The following PRDM9 variants were observed in gnomAD, a reference collection of about 807,000 sequenced individuals.
PRDM9 encodes histone-lysine N-methyltransferase PRDM9.
Under a neutral mutation model 55.6 loss-of-function variants are expected in PRDM9, and 47 were observed. The ratio of observed to expected loss-of-function variants is 0.85; its 90% CI spans 0.67 to 1.08. The LOEUF (loss-of-function observed/expected upper bound fraction) is 1.08, where lower values mean the gene tolerates loss of function less well. PRDM9 is among the 50% of genes least tolerant of loss of function. The pLI, the probability that PRDM9 is intolerant of heterozygous loss-of-function variation, is 0.00. For missense variants in PRDM9, 867 were observed against 1,040.3 expected (o/e 0.83, Z 2.29); for synonymous variants, 312 against 375.7 (o/e 0.83, Z 1.96).
intron 10 of PRDM9, among the ~76,000 whole-genome samples, chr5:23,525,362 G>A (rs773402233): frequency 2.0e-5 from 3 of 152,234 alleles, no homozygotes; most frequent in Admixed American, 6.5e-5. Flanking sequence ...TGGGGAGCAC[G>A]GAGGTAAGTC....
rs373299038 is a variant in PRDM9 at position 23,522,713 on chromosome 5, G to T, written c.710G>T (p.Arg237Leu). 2.4e-5 allele frequency: 38 copies of T among 1,614,072 alleles called. No individual in the cohort carries two copies. Among genetic ancestry groups the T allele is most frequent in the Non-Finnish European group, 3.0e-5 (35 of 1,180,044 alleles). ...GCAGTGGACAAGGGGCACCCCAACC[G>T]TTCAGCCCTCAGTCTGCCCCCAGGG... Reference protein sequence around the residue: ...DSAVDKGHPNRSALSLPPGLR... With the variant: ...DSAVDKGHPNLSALSLPPGLR... Residue 237 changes from arginine to leucine, a missense_variant, in exon 8 of 11, where the codon CGT (arginine) becomes CTT (leucine). Transcript: ENST00000296682.
At chr5:23,520,736 C>G (rs1003511822) in intron 5 of PRDM9, among the ~76,000 whole-genome samples, 1 of 152,114 alleles carries the variant, frequency 6.6e-6, no homozygotes, top group African/African-American at 2.4e-5. Context: ...CCTTCTTTCA[C>G]AGATCTTGTT....
At chr5:23,519,161 G>A (rs1206366877) in intron 5 of PRDM9, among the ~76,000 whole-genome samples, 1 of 152,076 alleles carries the variant, frequency 6.6e-6, no homozygotes, top group Non-Finnish European at 1.5e-5. Flanking sequence ...CTAGATTAGT[G>A]CGATCCTCCT....
In PRDM9 at chr5:23,510,000, G is replaced by A. The variant is rs199795687; in HGVS notation, c.274G>A (p.Asp92Asn). ...CCAGGTGGATGACACAGAAGATTCTGATGAAGAATGGACCCCTAGGCAGCA... is the reference window on the plus strand; with the variant it reads ...CCAGGTGGATGACACAGAAGATTCTAATGAAGAATGGACCCCTAGGCAGCA... ...KLQVDDTEDS[D>N]EEWTPRQQVK... Residue 92 changes from aspartate to asparagine, a missense_variant, in exon 4 of 11, where the codon GAT becomes AAT. Asp to Asn is a conservative substitution (Grantham distance 23). This residue lies in a region of PRDM9 where 662 missense variants were observed against 711.9 expected (regional missense o/e 0.93). Coordinates refer to ENST00000296682, the MANE Select transcript of PRDM9 (RefSeq NM_020227.4). 249 of 1,611,184 alleles carry A rather than the reference G, an allele frequency of 1.5e-4. No homozygotes were observed. Among genetic ancestry groups the A allele is most frequent in the Middle Eastern group, 3.3e-4 (2 of 6,042 alleles).
chr5:23,520,935 TAG>T, intron 5 of PRDM9, 86 bp from the exon 6 acceptor site: 1 of 1,453,558 alleles, frequency 6.9e-7, no homozygotes, highest in Non-Finnish European at 9.6e-7. Context: ...GAACATTAAC[TAG>T]AGTCATGCAT....
intron 5 of PRDM9, among the ~76,000 whole-genome samples, chr5:23,519,476 C>T (rs548702993): frequency 6.6e-6 from 1 of 152,190 alleles, no homozygotes; most frequent in South Asian, 2.1e-4. Context: ...TCAAGTTGTT[C>T]TCCTGCCTCA....
At chr5:23,517,540 C>T (rs937764436) in intron 4 of PRDM9, among the ~76,000 whole-genome samples, 3 of 152,264 alleles carry the variant, frequency 2.0e-5, no homozygotes, top group African/African-American at 7.2e-5. Flanking sequence ...AATCTCAGCA[C>T]TTTGGGAGGC....
At chr5:23,511,753 AT>A (rs1220663082) in intron 4 of PRDM9, among the ~76,000 whole-genome samples, 32 of 152,184 alleles carry the variant, frequency 2.1e-4, no homozygotes, top group African/African-American at 7.7e-4. Flanking sequence ...AATTCAGAAC[AT>A]TTATCATCAC....
chr5:23,527,854 G>T lies in PRDM9; in HGVS notation c.*81G>T, dbSNP rs986260674. ...ACACACTTGCACACCCCAGCTGTGA[G>T]GTGGCTTCAGCGGAAGTCTGCTGAC... On this transcript the variant is annotated 3_prime_UTR_variant, in exon 11 of 11. Coordinates refer to ENST00000296682, the MANE Select transcript of PRDM9 (RefSeq NM_020227.4). 2.5e-6 allele frequency: 4 copies of T among 1,570,942 alleles called. No homozygotes were observed. Among genetic ancestry groups the T allele is most frequent in the Non-Finnish European group, 3.5e-6 (4 of 1,147,268 alleles).
rs774868537 is a variant in PRDM9, at chr5:23,522,368, C to G, written c.573C>G (p.Tyr191Ter). Residue 191 changes from tyrosine (Y) to a stop codon, truncating the protein, a stop_gained, in exon 7 of 11, where the codon TAC becomes TAG. Coordinates refer to ENST00000296682, the MANE Select transcript of PRDM9 (RefSeq NM_020227.4). LOFTEE classifies it high-confidence loss of function. ...YSLRERKGHAYKEVSEPQDDD... is the reference protein window; with the variant it reads ...YSLRERKGHA ...TGCGAGAAAGAAAGGGTCATGCATA[C>G]AAAGAGGTCAGCGAGCCGCAGGATG... 1 of 1,613,990 alleles carries G rather than the reference C, an allele frequency of 6.2e-7. No homozygotes were observed. Among genetic ancestry groups the G allele is most frequent in the Non-Finnish European group, 8.5e-7 (1 of 1,180,004 alleles).
At position 23,527,738 on chromosome 5, in the gene PRDM9, G is replaced by A; in HGVS notation, c.2650G>A (p.Gly884Arg). The change falls in exon 11 of 11, where the codon GGG becomes AGG. Residue 884 changes from glycine (G) to arginine (R), a missense_variant. Transcript: ENST00000296682. ...CTGCTATCACCAGAGGACACACACAGGGGAGAAGCCCTACGTCTGCAGGGA... is the reference window on the plus strand; with the variant it reads ...CTGCTATCACCAGAGGACACACACAAGGGAGAAGCCCTACGTCTGCAGGGA... ...SLCYHQRTHT[G>R]EKPYVCREDE is the part of the protein sequence containing the mutation. The A allele has an allele frequency of 6.2e-7, 1 of 1,613,752 alleles. No individual in the cohort carries two copies. Among genetic ancestry groups the A allele is most frequent in the Non-Finnish European group, 8.5e-7 (1 of 1,179,806 alleles).
rs750132680 is a variant in PRDM9 at position 23,524,559 on chromosome 5, A to G, written c.1144+32A>G. ...ATCACTATTACTCTTTTAAAAGGACAGGAAAGAAAGAATTATCCTAGAGAA... is the reference window on the plus strand; with the variant it reads ...ATCACTATTACTCTTTTAAAAGGACGGGAAAGAAAGAATTATCCTAGAGAA... On this transcript the variant is annotated intron_variant, in intron 10 of 10. Coordinates refer to ENST00000296682, the MANE Select transcript of PRDM9 (RefSeq NM_020227.4). The G allele has an allele frequency of 9.9e-6, 16 of 1,612,182 alleles. No individual in the cohort carries two copies. In the Middle Eastern group the frequency reaches 5.0e-4, roughly 50 times the overall value.
At position 23,522,883 on chromosome 5, in the gene PRDM9, C is replaced by T. The variant is rs368800063; in HGVS notation, c.880C>T (p.Leu294=). 38 of 1,614,146 alleles carry T rather than the reference C, an allele frequency of 2.4e-5. No individual in the cohort carries two copies. Among genetic ancestry groups the T allele is most frequent in the African/African-American group, 4.0e-5 (3 of 74,946 alleles). ...EEAANNGYSW[L]ITKGRNCYEY... ...GGCAGCCAACAATGGATACTCCTGG[C>T]TGGTAAGAAGAGCCTGCCATTTCCC... Residue 294 remains leucine (L), a splice_region_variant and synonymous_variant, in exon 8 of 11, where the codon CTG becomes TTG. Coordinates refer to ENST00000296682, the MANE Select transcript of PRDM9 (RefSeq NM_020227.4).
In PRDM9 at chr5:23,508,984, C is replaced by A. The variant is rs773401054; in HGVS notation, c.-50C>A. On this transcript the variant is annotated 5_prime_UTR_variant, in exon 2 of 11. Transcript: ENST00000296682. ...GCCTAGGAGCTGGGAGACTCAGGGCCCTTCTCACACTCAGAATTGGAGCAG... is the reference window on the plus strand; with the variant it reads ...GCCTAGGAGCTGGGAGACTCAGGGCACTTCTCACACTCAGAATTGGAGCAG... 1.2e-6 allele frequency: 2 copies of A among 1,605,826 alleles called. No individual in the cohort carries two copies. Among genetic ancestry groups the A allele is most frequent in the Middle Eastern group, 1.7e-4 (1 of 6,042 alleles).
At chr5:23,520,956 A>G (rs1462564280) in intron 5 of PRDM9, 67 bp from the exon 6 acceptor site, 5 of 1,557,454 alleles carry the variant, frequency 3.2e-6, no homozygotes, top group Non-Finnish European at 4.4e-6. Flanking sequence ...ATATGAAAAC[A>G]TGTTGCAAGC....
intron 9 of PRDM9, among the ~76,000 whole-genome samples, chr5:23,524,121 T>G (rs1311844393): frequency 6.6e-6 from 1 of 152,146 alleles, no homozygotes; most frequent in Non-Finnish European, 1.5e-5. Context: ...CAGGGAAACA[T>G]TCTAGGCAGG....
At chr5:23,508,556 C>T (rs760398485) in intron 1 of PRDM9, among the ~76,000 whole-genome samples, 73 of 152,100 alleles carry the variant, frequency 4.8e-4, no homozygotes, top group Admixed American at 2.9e-3. Context: ...CATTTTGTCT[C>T]GCTGAAACAG....
chr5:23,522,454 G>T (rs200222315), intron 7 of PRDM9, 49 bp downstream of exon 7: 1 of 1,587,312 alleles, frequency 6.3e-7, no homozygotes, highest in Non-Finnish European at 8.7e-7. Flanking sequence ...ATGTCCTGGT[G>T]CAATAATTTC....
chr5:23,510,048 GAT>G, intron 4 of PRDM9, 21 bp downstream of exon 4: 13 of 1,291,690 alleles, frequency 1.0e-5, no homozygotes, highest in Non-Finnish European at 1.3e-5. Context: ...AGGGAAGTAG[GAT>G]TTTTTTTTTT....
Sources: gnomAD v4.1 joint callset for allele counts (sites outside exome capture counted in the v4.1 genomes callset) on GRCh38, gnomAD v4.1.1 for gene constraint, gnomAD v4.1.1 regional missense constraint, MANE v1.5 for transcripts, NCBI Gene and HGNC (gene_info 2026-07-23, HGNC 2026-07-21) for gene names.